The following SNRPN variants were observed in gnomAD, a reference collection of about 807,000 sequenced individuals.
SNRPN encodes the protein small nuclear ribonucleoprotein polypeptide N, also known as small nuclear ribonucleoprotein-associated protein N.
SNRPN carries 7 observed loss-of-function variants against 25.2 expected under a neutral mutation model. The ratio of observed to expected loss-of-function variants is 0.28; its 90% CI spans 0.16 to 0.52. The LOEUF (loss-of-function observed/expected upper bound fraction) is 0.52. SNRPN is among the 20% of genes least tolerant of loss of function. The pLI is 0.96. For synonymous variants in SNRPN, 124 were observed against 110.6 expected (o/e 1.12, Z -0.76); for missense variants, 196 against 322.5 (o/e 0.61, Z 3.00).
intron 3 of SNRPN, among the ~76,000 whole-genome samples, chr15:24,930,606 A>AG (rs1256489805): frequency 1.3e-5 from 2 of 150,778 alleles, no homozygotes; most frequent in African/African-American, 4.9e-5. Context: ...AAAAAAAAAA[A>AG]AAAGTCTGGG....
intron 1 of SNRPN, among the ~76,000 whole-genome samples, chr15:24,880,323 G>C (rs1354645909): frequency 6.6e-6 from 1 of 152,248 alleles, no homozygotes; most frequent in African/African-American, 2.4e-5. Context: ...TGGGAGGAAA[G>C]GGGGATTCTT....
rs115572613 is a variant in SNRPN at position 24,920,050 on chromosome 15, A to T, written c.-465A>T. 372 of 152,272 alleles carry T rather than the reference A, an allele frequency of 2.4e-3. 2 individuals carry two copies. The highest frequency in any genetic ancestry group is 8.7e-3 in the African/African-American group (362 of 41,558). 9.4% of individuals were successfully genotyped at this position (152,272 alleles called of 1,614,324 possible). On this transcript the variant is annotated 5_prime_UTR_variant, in exon 3 of 12. Transcript: ENST00000400097. The stretch of plus-strand genomic sequence containing the variant: ...ACTCAGAAGGCAACATTCCCTGAAC[A>T]TACTCTTCCACCAGAATCTCCTCTA...
rs58691279 is a variant in SNRPN, at chr15:24,885,716, C to CTGTGTGTGTGTG, written c.-578-774_-578-763dup. 5.0e-3 allele frequency among the ~76,000 whole-genome samples: 706 copies of CTGTGTGTGTGTG among 141,718 alleles called. 13 individuals are homozygous for CTGTGTGTGTGTG. The highest frequency in any genetic ancestry group is 0.041 in the South Asian group (169 of 4,126). 93.0% of individuals were successfully genotyped at this position (141,718 alleles called of 152,430 possible). On this transcript the variant is annotated intron_variant, in intron 1 of 11. Coordinates refer to the SNRPN transcript ENST00000400097. ...GGATTTTCCAGGAAGGAATCTGGGGCTGTGTGTGTGTGTGTGTGTGTGTGT... is the reference window on the plus strand; with the variant it reads ...GGATTTTCCAGGAAGGAATCTGGGGCTGTGTGTGTGTGTGTGTGTGTGTGTGTGTGTGTGTGT...
intron 3 of SNRPN, among the ~76,000 whole-genome samples, chr15:24,972,558 T>G (rs2076553990): frequency 6.6e-6 from 1 of 150,604 alleles, no homozygotes; most frequent in Non-Finnish European, 1.5e-5. Context: ...TTTTTTTTTT[T>G]TTGAGATGGA....
In SNRPN at chr15:24,945,343, T is replaced by TAAA. The variant is rs11422448; in HGVS notation, c.-390-16750_-390-16748dup. ...CTCCCCCTTTCCCCCACCCACCATGTAAAAAAAAAAAAAAAAAAAAAAAGT... is the reference window on the plus strand; with the variant it reads ...CTCCCCCTTTCCCCCACCCACCATGTAAAAAAAAAAAAAAAAAAAAAAAAAAGT... On this transcript the variant is annotated intron_variant, in intron 3 of 11. Transcript: ENST00000400097. Among the ~76,000 whole-genome samples, 255 of 83,674 alleles carry TAAA rather than the reference T, an allele frequency of 3.0e-3. 5 individuals carry two copies. The highest frequency in any genetic ancestry group is 2.5e-3 in the Non-Finnish European group (117 of 47,436). 54.9% of individuals were successfully genotyped at this position (83,674 alleles called of 152,430 possible). A position where few individuals can be genotyped will look rare whatever the true frequency, so the allele number is the denominator to read the frequency against.
chr15:24,958,664 G>C (rs384654), intron 1 of SNRPN: 19,573 of 152,028 alleles, frequency 0.13, 2,423 homozygotes, highest in African/African-American at 0.33. Context: ...ATTTGTTTTG[G>C]AGGCAATGAG....
chr15:24,923,919 AAACAT>A (rs1434714453), intron 3 of SNRPN, among the ~76,000 whole-genome samples: 2,887 of 54,890 alleles, frequency 0.053, 83 homozygotes, highest in Middle Eastern at 0.18. Flanking sequence ...GTGTGTATAT[AAACAT>A]TTTTTTTTTT....
At chr15:24,898,341 G>A (rs2058211664) in intron 2 of SNRPN, among the ~76,000 whole-genome samples, 1 of 152,186 alleles carries the variant, frequency 6.6e-6, no homozygotes, top group South Asian at 2.1e-4. Flanking sequence ...TGTAATCGCA[G>A]CACTTTGGGA....
intron 2 of SNRPN, among the ~76,000 whole-genome samples, chr15:24,834,648 C>T (rs76996243): frequency 0.038 from 5,670 of 150,556 alleles, 350 homozygotes; most frequent in African/African-American, 0.12. Context: ...GGGAGCATCA[C>T]TTGTTACAGT....
chr15:24,832,428 C>T lies in SNRPN; in HGVS notation c.-579+2523C>T, dbSNP rs557082799. 2.0e-5 allele frequency among the ~76,000 whole-genome samples: 3 copies of T among 152,156 alleles called. No individual in the cohort carries two copies. In the East Asian group the frequency reaches 5.8e-4, roughly 29 times the overall value. On this transcript the variant is annotated intron_variant, in intron 2 of 12. Transcript: ENST00000400100. Reference sequence around the variant, plus strand: ...TCGAGTGGGGACTTGGGGAAATCTCCTGTCTTACAGAGGATTTTAAAATGC... The same window carrying T: ...TCGAGTGGGGACTTGGGGAAATCTCTTGTCTTACAGAGGATTTTAAAATGC...
intron 1 of SNRPN, among the ~76,000 whole-genome samples, chr15:24,957,093 T>TA (rs762912003): frequency 3.9e-5 from 6 of 152,236 alleles, no homozygotes; most frequent in Non-Finnish European, 7.3e-5. Flanking sequence ...CCCTTTTTTT[T>TA]AACTCCCTGT....
Position 24,918,882 on chromosome 15 carries a change from TATATAACATA to T in SNRPN, c.-504-1123_-504-1114del, listed in dbSNP as rs1440721194. ...ATAACAATATATATATGTGCATATA[TATATAACATA>T]ATATATATATGTGCACATATATATA... On this transcript the variant is annotated intron_variant, in intron 2 of 11. Coordinates refer to the SNRPN transcript ENST00000400097. 5.2e-5 allele frequency among the ~76,000 whole-genome samples: 6 copies of T among 116,284 alleles called. 2 individuals carry two copies. Among genetic ancestry groups the T allele is most frequent in the South Asian group, 5.1e-4 (2 of 3,918 alleles). The allele number at this position is 116,284 out of a possible 152,430, so 76.3% of individuals were successfully genotyped here. A position where few individuals can be genotyped will look rare whatever the true frequency, so the allele number is the denominator to read the frequency against.
Position 24,835,055 on chromosome 15 carries a change from A to ATAGATAT in SNRPN, c.-579+5150_-579+5151insTAGATAT, listed in dbSNP as rs796201242. On this transcript the variant is annotated intron_variant, in intron 2 of 12. Transcript: ENST00000400100. ...TATAGTATATATATCTATATATAAAAATATAGATATATAGTATATATATCT... is the reference window on the plus strand; with the variant it reads ...TATAGTATATATATCTATATATAAAATAGATATATATAGATATATAGTATATATATCT... Among the ~76,000 whole-genome samples the ATAGATAT allele has an allele frequency of 3.0e-4, 9 of 30,050 alleles. 1 individual carries two copies. Among genetic ancestry groups the ATAGATAT allele is most frequent in the African/African-American group, 7.8e-4 (5 of 6,376 alleles). 19.7% of individuals were successfully genotyped at this position (30,050 alleles called of 152,430 possible). A position where few individuals can be genotyped will look rare whatever the true frequency, so the allele number is the denominator to read the frequency against.
chr15:24,834,751 C>CTCTCTCTCTCTCTATATATGTA, intron 2 of SNRPN, among the ~76,000 whole-genome samples: 1 of 60,956 alleles, frequency 1.6e-5, no homozygotes, highest in African/African-American at 5.9e-5. Context: ...CTCTCTCTCT[C>CTCTCTCTCTCTCTATATATGTA]TATATATATA....
At chr15:24,826,466 A>C (rs926759299) in intron 1 of SNRPN, among the ~76,000 whole-genome samples, 8 of 152,080 alleles carry the variant, frequency 5.3e-5, no homozygotes, top group Non-Finnish European at 7.3e-5. Context: ...CCATCATTCC[A>C]CGTAATTTAC....
At chr15:24,922,924 CAG>C (rs1463177609) in intron 3 of SNRPN, among the ~76,000 whole-genome samples, 5 of 42,422 alleles carry the variant, frequency 1.2e-4, no homozygotes, top group Non-Finnish European at 1.9e-4. Flanking sequence ...TTTGGGAAGA[CAG>C]AGTCTCGCTC....
At chr15:24,869,881 A>G (rs2054922367) in intron 1 of SNRPN, among the ~76,000 whole-genome samples, 1 of 152,172 alleles carries the variant, frequency 6.6e-6, no homozygotes, top group South Asian at 2.1e-4. Context: ...AAGAGTTGAG[A>G]ACTCTTTACT....
intron 1 of SNRPN, among the ~76,000 whole-genome samples, chr15:24,825,037 G>A (rs1421501632): frequency 6.6e-6 from 1 of 152,016 alleles, no homozygotes; most frequent in Non-Finnish European, 1.5e-5. Flanking sequence ...AAGCGATTCT[G>A]GGGGGCACTT....
rs556646390 is a variant in SNRPN, at chr15:24,931,884, A to T, written c.-391+11760A>T. On this transcript the variant is annotated intron_variant, in intron 3 of 11. Transcript: ENST00000400097. ...AAAAAAAAAAGACTTTGCTTCACCC[A>T]CAAAGGGAAAATCAGGGAATAGGAG... 2.2e-3 allele frequency among the ~76,000 whole-genome samples: 324 copies of T among 144,084 alleles called. 4 individuals are homozygous for T. Among genetic ancestry groups the T allele is most frequent in the African/African-American group, 8.1e-3 (308 of 38,084 alleles). The allele number at this position is 144,084 out of a possible 152,430, so 94.5% of individuals were successfully genotyped here. A position where few individuals can be genotyped will look rare whatever the true frequency, so the allele number is the denominator to read the frequency against.
Sources: gnomAD v4.1 joint callset for allele counts (sites outside exome capture counted in the v4.1 genomes callset) on GRCh38, gnomAD v4.1.1 for gene constraint, MANE v1.5 for transcripts, NCBI Gene and HGNC (gene_info 2026-07-23, HGNC 2026-07-21) for gene names.